ADCY5: variants seen among roughly 807,000 people sequenced by gnomAD.
The protein encoded by ADCY5 is adenylate cyclase type 5.
ADCY5 carries 30 observed loss-of-function variants against 119.7 expected under a neutral mutation model. That is an observed-to-expected ratio of 0.25 (90% CI 0.19 to 0.34). ADCY5 has a LOEUF of 0.34. Among genes scored for constraint, ADCY5 ranks in the 10% least tolerant of loss-of-function variants. ADCY5 has a pLI of 1.00. For synonymous variants in ADCY5, 753 were observed against 762.2 expected, an observed-to-expected ratio of 0.99 and a Z score of 0.20; for missense variants, 1,324 against 1,775.2, an observed-to-expected ratio of 0.75 and a Z score of 4.57.
At chr3:123,340,099 A>C (rs1223318625) in intron 3 of ADCY5, among the ~76,000 whole-genome samples, 1 of 152,044 alleles carries the variant, frequency 6.6e-6, no homozygotes, top group African/African-American at 2.4e-5. Context: ...AGGCCGGTCT[A>C]AGCAACATAG....
chr3:123,383,438 G>C (rs1944102222), intron 1 of ADCY5, among the ~76,000 whole-genome samples: 1 of 152,206 alleles, frequency 6.6e-6, no homozygotes, highest in Non-Finnish European at 1.5e-5. Context: ...TGTGGCAACT[G>C]TCAAGGCTTA....
intron 1 of ADCY5, among the ~76,000 whole-genome samples, chr3:123,407,978 C>T (rs1944947395): frequency 6.6e-6 from 1 of 151,680 alleles, no homozygotes; most frequent in Non-Finnish European, 1.5e-5. Context: ...TTGGGATAGA[C>T]AGAGGTGGAA....
chr3:123,409,762 T>C (rs1483052951), intron 1 of ADCY5, among the ~76,000 whole-genome samples: 6 of 152,090 alleles, frequency 3.9e-5, no homozygotes, highest in Admixed American at 3.9e-4. Flanking sequence ...CTCACCTGCT[T>C]CCTTAACAGA....
rs575342684 is a variant in ADCY5, at chr3:123,443,708, G to T, written c.1134+3704C>A. Among the ~76,000 whole-genome samples the T allele has an allele frequency of 2.0e-4, 30 of 152,324 alleles. No individual in the cohort carries two copies. The South Asian group carries it at 5.0e-3, about 25-fold the overall frequency. On this transcript the variant is annotated intron_variant, in intron 1 of 20. Coordinates refer to ENST00000462833, the MANE Select transcript of ADCY5 (RefSeq NM_183357.3). Reference sequence around the variant, plus strand: ...TAAGAAGCTGGGGAAAGACAGGGTGGGGTGGGAGATGGGTTGTCCCACACT... The same window carrying T: ...TAAGAAGCTGGGGAAAGACAGGGTGTGGTGGGAGATGGGTTGTCCCACACT...
At chr3:123,397,666 T>A (rs1944640937) in intron 1 of ADCY5, among the ~76,000 whole-genome samples, 1 of 152,222 alleles carries the variant, frequency 6.6e-6, no homozygotes, top group African/African-American at 2.4e-5. Flanking sequence ...TGGAAGTTCT[T>A]CCTAGTGTCT....
intron 12 of ADCY5, among the ~76,000 whole-genome samples, chr3:123,306,154 A>C (rs1940185175): frequency 6.6e-6 from 1 of 152,260 alleles, no homozygotes; most frequent in Non-Finnish European, 1.5e-5. Flanking sequence ...TGTGATCTGG[A>C]GAGCATAAGC....
At chr3:123,415,617 G>A (rs1200502353) in intron 1 of ADCY5, among the ~76,000 whole-genome samples, 3 of 152,184 alleles carry the variant, frequency 2.0e-5, no homozygotes, top group Non-Finnish European at 4.4e-5. Context: ...CGCCTCTGTG[G>A]CCTTGGGGAG....
intron 1 of ADCY5, among the ~76,000 whole-genome samples, chr3:123,412,097 C>T (rs1024170182): frequency 6.6e-6 from 1 of 152,224 alleles, no homozygotes; most frequent in African/African-American, 2.4e-5. Flanking sequence ...ACTCATAAAA[C>T]CTTCCTCCAC....
intron 1 of ADCY5, among the ~76,000 whole-genome samples, chr3:123,365,544 T>A (rs376000472): frequency 1.3e-5 from 2 of 152,184 alleles, no homozygotes; most frequent in Non-Finnish European, 2.9e-5. Context: ...GCCTGGGTGA[T>A]GTATCTATGG....
chr3:123,426,633 A>T (rs886162032), intron 1 of ADCY5, among the ~76,000 whole-genome samples: 2 of 152,150 alleles, frequency 1.3e-5, no homozygotes, highest in Admixed American at 1.3e-4. Context: ...GCCTGGCCAG[A>T]GCTGACATTC....
chr3:123,346,649 ATGTGTG>A (rs145736317), intron 3 of ADCY5, among the ~76,000 whole-genome samples: 1 of 94,904 alleles, frequency 1.1e-5, no homozygotes, highest in African/African-American at 3.0e-5. Flanking sequence ...CTCTGTGTGT[ATGTGTG>A]TGTGTGTGTG....
intron 8 of ADCY5, among the ~76,000 whole-genome samples, chr3:123,324,404 C>CCACACACACACA (rs10522987): frequency 1.8e-5 from 2 of 109,712 alleles, no homozygotes; most frequent in African/African-American, 3.4e-5. Flanking sequence ...CACACAGAAA[C>CCACACACACACA]CACACACACA....
chr3:123,343,857 C>T (rs1942396937), intron 3 of ADCY5, among the ~76,000 whole-genome samples: 1 of 152,188 alleles, frequency 6.6e-6, no homozygotes, highest in Non-Finnish European at 1.5e-5. Flanking sequence ...CCCGCCCCGT[C>T]AGAAAGGCTG....
At chr3:123,426,301 T>TTTG (rs1256503344) in intron 1 of ADCY5, among the ~76,000 whole-genome samples, 14 of 8,222 alleles carry the variant, frequency 1.7e-3, no homozygotes, top group Admixed American at 4.9e-3. Context: ...TCTTTTGTGT[T>TTTG]TTTTTTTTGT....
chr3:123,411,685 A>G (rs1945052233), intron 1 of ADCY5, among the ~76,000 whole-genome samples: 1 of 152,174 alleles, frequency 6.6e-6, no homozygotes, highest in African/African-American at 2.4e-5. Flanking sequence ...TTCCAGAGGC[A>G]AAGCAGGGTG....
rs140292762 is a variant in ADCY5 at position 123,360,504 on chromosome 3, C to T, written c.1135-7923G>A. Among the ~76,000 whole-genome samples the T allele has an allele frequency of 6.1e-3, 936 of 152,246 alleles. 5 individuals carry two copies. The highest frequency in any genetic ancestry group is 8.4e-3 in the Non-Finnish European group (574 of 68,016). On this transcript the variant is annotated intron_variant, in intron 1 of 20. Transcript: ENST00000462833. ...ATCATGACATCTTCCTACCCAAAAA[C>T]CTGCCAGGACTCTCCATTACCAGTA...
intron 1 of ADCY5, among the ~76,000 whole-genome samples, chr3:123,423,096 C>A (rs956566299): frequency 3.9e-5 from 6 of 152,148 alleles, no homozygotes; most frequent in Non-Finnish European, 8.8e-5. Context: ...TCAGACAAGG[C>A]AGCAGCCCAA....
At chr3:123,365,553 G>C (rs1450507816) in intron 1 of ADCY5, among the ~76,000 whole-genome samples, 1 of 152,178 alleles carries the variant, frequency 6.6e-6, no homozygotes, top group Admixed American at 6.5e-5. Context: ...ATGTATCTAT[G>C]GGAAGAAGAG....
chr3:123,291,281 C>G lies in ADCY5; in HGVS notation c.3159G>C (p.Leu1053=), dbSNP rs756460144. ...GCTCATCATTGCGCCGCTCGCGGGC[C>G]AGGAAGTGAGCGGCCACGTCCTTGG... The part of the protein sequence containing the change: ...ILPKDVAAHF[L]ARERRNDELY... Residue 1053 remains leucine (L), a synonymous_variant, in exon 18 of 21, where the codon CTG becomes CTC. Transcript: ENST00000462833. The G allele has an allele frequency of 6.2e-6, 10 of 1,613,850 alleles. No homozygotes were observed. Among genetic ancestry groups the G allele is most frequent in the Non-Finnish European group, 8.5e-6 (10 of 1,180,054 alleles).
Sources: gnomAD v4.1 joint callset for allele counts (sites outside exome capture counted in the v4.1 genomes callset) on GRCh38, gnomAD v4.1.1 for gene constraint, MANE v1.5 for transcripts, NCBI Gene and HGNC (gene_info 2026-07-23, HGNC 2026-07-21) for gene names.